SDK1: variants seen among roughly 807,000 people sequenced by gnomAD.
SDK1 encodes protein sidekick-1.
A neutral mutation model predicts 245.5 loss-of-function variants in SDK1; 157 were observed. The ratio of observed to expected loss-of-function variants is 0.64; its 90% CI spans 0.56 to 0.73. SDK1 has a LOEUF of 0.73. Ranked by LOEUF, SDK1 falls within the 30% of genes least tolerant of loss-of-function variation. The pLI is 0.00. For missense variants in SDK1, 3,583 were observed against 3,002.3 expected (o/e 1.19, Z -4.52); for synonymous variants, 1,647 against 1,278.5 (o/e 1.29, Z -6.15).
chr7:3,473,620 G>C (rs752885917), intron 1 of SDK1, among the ~76,000 whole-genome samples: 6 of 151,986 alleles, frequency 3.9e-5, no homozygotes, highest in Admixed American at 6.6e-5. Context: ...GCTTCCATGT[G>C]CTTTATTCAT....
At chr7:3,723,463 G>C (rs185925982) in intron 4 of SDK1, among the ~76,000 whole-genome samples, 167 of 152,260 alleles carry the variant, frequency 1.1e-3, no homozygotes, top group Non-Finnish European at 2.0e-3. Context: ...AGTTAAAAGA[G>C]ATTATTTCTT....
At position 4,004,377 on chromosome 7, in the gene SDK1, A is replaced by G. The variant is rs187548302; in HGVS notation, c.2132-6589A>G. On this transcript the variant is annotated intron_variant, in intron 14 of 44. Transcript: ENST00000404826. ...CAAATTAGAAAAATAATAAATTTGCACCTAATTTTTCCACTTAACTGTAAC... is the reference window on the plus strand; with the variant it reads ...CAAATTAGAAAAATAATAAATTTGCGCCTAATTTTTCCACTTAACTGTAAC... Among the ~76,000 whole-genome samples, 157 of 152,344 alleles carry G rather than the reference A, an allele frequency of 1.0e-3. 1 individual carries two copies. The highest frequency in any genetic ancestry group is 3.5e-3 in the African/African-American group (146 of 41,588).
intron 1 of SDK1, among the ~76,000 whole-genome samples, chr7:3,456,729 C>G (rs780594822): frequency 1.4e-4 from 21 of 152,116 alleles, no homozygotes; most frequent in Non-Finnish European, 3.1e-4. Flanking sequence ...CTTTTTCTCA[C>G]TCAAGTTGTG....
At chr7:3,869,049 G>T (rs1780892881) in intron 5 of SDK1, among the ~76,000 whole-genome samples, 1 of 152,104 alleles carries the variant, frequency 6.6e-6, no homozygotes, top group Admixed American at 6.5e-5. Flanking sequence ...TTCTGTGTGG[G>T]AGATTGTACT....
At chr7:4,145,637 G>A in intron 28 of SDK1, 85 bp from the exon 29 acceptor site, 1 of 1,189,428 alleles carries the variant, frequency 8.4e-7, no homozygotes, top group Admixed American at 2.4e-5. Flanking sequence ...GGCCTTCCAG[G>A]GGTCAGCACA....
At chr7:3,942,033 C>T (rs983763688) in intron 5 of SDK1, among the ~76,000 whole-genome samples, 6 of 151,806 alleles carry the variant, frequency 4.0e-5, no homozygotes, top group Admixed American at 1.3e-4. Flanking sequence ...CTCAGCCTCC[C>T]GTAGCTGGGA....
At chr7:3,315,429 C>T (rs754932673) in intron 1 of SDK1, among the ~76,000 whole-genome samples, 1 of 152,056 alleles carries the variant, frequency 6.6e-6, no homozygotes, top group Non-Finnish European at 1.5e-5. Flanking sequence ...CTCTGGAGCC[C>T]CTGTTCCTAG....
intron 1 of SDK1, among the ~76,000 whole-genome samples, chr7:3,327,319 A>G (rs900850303): frequency 2.6e-5 from 4 of 152,146 alleles, no homozygotes; most frequent in African/African-American, 9.6e-5. Flanking sequence ...GTCATGTGGA[A>G]GGTTTCAGGG....
intron 21 of SDK1, among the ~76,000 whole-genome samples, chr7:4,077,783 A>G (rs1041069693): frequency 6.6e-6 from 1 of 152,166 alleles, no homozygotes; most frequent in East Asian, 1.9e-4. Context: ...ACCTGCCCCC[A>G]TGATTCAGTT....
At chr7:4,007,828 A>T (rs1377379022) in intron 14 of SDK1, among the ~76,000 whole-genome samples, 3 of 150,914 alleles carry the variant, frequency 2.0e-5, no homozygotes, top group Admixed American at 2.0e-4. Flanking sequence ...CTGGTCTTGA[A>T]CTCCTGACCT....
intron 4 of SDK1, among the ~76,000 whole-genome samples, chr7:3,759,623 G>A (rs983676881): frequency 6.7e-6 from 1 of 149,700 alleles, no homozygotes; most frequent in African/African-American, 2.5e-5. Flanking sequence ...TTTGGAGGCG[G>A]AATTTTGCTC....
chr7:3,860,572 C>G (rs1366970741), intron 5 of SDK1, among the ~76,000 whole-genome samples: 1 of 152,122 alleles, frequency 6.6e-6, no homozygotes, highest in Non-Finnish European at 1.5e-5. Flanking sequence ...TAAATTAATA[C>G]AGCCATTTTT....
At chr7:3,597,674 C>G (rs1379719360) in intron 1 of SDK1, among the ~76,000 whole-genome samples, 1 of 152,106 alleles carries the variant, frequency 6.6e-6, no homozygotes, top group African/African-American at 2.4e-5. Context: ...TTGGTTTGGT[C>G]TGGTCTGTCG....
intron 4 of SDK1, among the ~76,000 whole-genome samples, chr7:3,788,680 A>G (rs1052350163): frequency 1.3e-5 from 2 of 152,140 alleles, no homozygotes; most frequent in Non-Finnish European, 2.9e-5. Flanking sequence ...AAAAAATCTC[A>G]TAATGTTTTA....
rs1330952824 is a variant in SDK1 at position 4,139,721 on chromosome 7, ATGTG to A, written c.4229-5989_4229-5986del. 2.0e-4 allele frequency among the ~76,000 whole-genome samples: 22 copies of A among 110,764 alleles called. 5 individuals are homozygous for A. Among genetic ancestry groups the A allele is most frequent in the African/African-American group, 6.0e-4 (16 of 26,716 alleles). 72.7% of individuals were successfully genotyped at this position (110,764 alleles called of 152,430 possible). On this transcript the variant is annotated intron_variant, in intron 28 of 44. Coordinates refer to ENST00000404826, the MANE Select transcript of SDK1 (RefSeq NM_152744.4). ...TGTGTGTGTATGTGTGTGTGTGTGT[ATGTG>A]TGTGTGTGTGTATGTGTGTGTGTGT...
intron 19 of SDK1, among the ~76,000 whole-genome samples, chr7:4,064,924 TGGG>T (rs1779771502): frequency 6.6e-6 from 1 of 151,296 alleles, no homozygotes; most frequent in Non-Finnish European, 1.5e-5. Flanking sequence ...AGCAGGGTGG[TGGG>T]GAGAAAGAGA....
chr7:3,643,881 A>T (rs752239298), intron 4 of SDK1: 1 of 148,354 alleles, frequency 6.7e-6, no homozygotes, highest in African/African-American at 2.5e-5. Flanking sequence ...TATTATTACT[A>T]TTAATAATTA....
chr7:4,230,791 A>G (rs967204871), intron 40 of SDK1, among the ~76,000 whole-genome samples: 3 of 152,140 alleles, frequency 2.0e-5, no homozygotes, highest in African/African-American at 7.2e-5. Flanking sequence ...CCATTGGTGG[A>G]AGCAGTCATC....
chr7:3,853,060 C>G (rs1004943419), intron 5 of SDK1, among the ~76,000 whole-genome samples: 10 of 151,838 alleles, frequency 6.6e-5, no homozygotes, highest in Non-Finnish European at 1.5e-4. Context: ...CTGCATGAAC[C>G]AAAACCCACA....
Sources: gnomAD v4.1 joint callset for allele counts (sites outside exome capture counted in the v4.1 genomes callset) on GRCh38, gnomAD v4.1.1 for gene constraint, MANE v1.5 for transcripts, NCBI Gene and HGNC (gene_info 2026-07-23, HGNC 2026-07-21) for gene names.